ADGRB3: variants seen among roughly 807,000 people sequenced by gnomAD.
The protein encoded by ADGRB3 is adhesion G protein-coupled receptor B3, also known as brain-specific angiogenesis inhibitor 3.
In ADGRB3, 37 loss-of-function variants were observed where a neutral mutation model predicts 193.4. The ratio of observed to expected loss-of-function variants is 0.19; its 90% CI spans 0.15 to 0.25. The LOEUF (loss-of-function observed/expected upper bound fraction) is 0.25, where lower values mean the gene tolerates loss of function less well. Ranked by LOEUF, ADGRB3 falls within the 10% of genes least tolerant of loss-of-function variation. The probability of loss-of-function intolerance (pLI) is 1.00; values close to 1 mark genes in which losing one functional copy is unlikely to be tolerated. For synonymous variants in ADGRB3, 690 were observed against 644.2 expected (o/e 1.07, Z -1.08); for missense variants, 1,637 against 1,852.9 (o/e 0.88, Z 2.14).
At chr6:68,841,761 C>G (rs917137388) in intron 3 of ADGRB3, among the ~76,000 whole-genome samples, 5 of 151,784 alleles carry the variant, frequency 3.3e-5, no homozygotes, top group Admixed American at 6.6e-5. Context: ...TAAAGACTCA[C>G]GAAAGGAAAG....
intron 8 of ADGRB3, among the ~76,000 whole-genome samples, chr6:68,957,551 A>G (rs1562100046): frequency 6.6e-6 from 1 of 152,174 alleles, no homozygotes. Flanking sequence ...CAACGTGCTG[A>G]ACCTAGAGAA....
intron 17 of ADGRB3, among the ~76,000 whole-genome samples, chr6:69,164,637 ACT>A (rs1775085114): frequency 6.6e-6 from 1 of 152,086 alleles, no homozygotes. Flanking sequence ...AGAGATAAGC[ACT>A]CATAAGAGGC....
At chr6:69,037,272 T>G (rs1770900147) in intron 13 of ADGRB3, among the ~76,000 whole-genome samples, 1 of 152,156 alleles carries the variant, frequency 6.6e-6, no homozygotes, top group African/African-American at 2.4e-5. Context: ...TAGTAAACGT[T>G]TGTTGAATTA....
chr6:69,085,681 G>A (rs536593441), intron 17 of ADGRB3, among the ~76,000 whole-genome samples: 12 of 151,318 alleles, frequency 7.9e-5, no homozygotes, highest in Admixed American at 5.9e-4. Context: ...TTGCTCACTT[G>A]TACTATAGTT....
chr6:68,905,878 A>G (rs1040659080), intron 3 of ADGRB3, among the ~76,000 whole-genome samples: 4 of 152,108 alleles, frequency 2.6e-5, no homozygotes, highest in African/African-American at 9.7e-5. Context: ...CTCACAACCT[A>G]CTTTCTCCTC....
chr6:69,331,432 T>C, intron 23 of ADGRB3: 1 of 454,782 alleles, frequency 2.2e-6, no homozygotes, highest in Non-Finnish European at 2.9e-6. Flanking sequence ...ATTATATTTC[T>C]AATTGGAAAG....
intron 17 of ADGRB3, among the ~76,000 whole-genome samples, chr6:69,142,025 G>C (rs1774357263): frequency 6.6e-6 from 1 of 152,140 alleles, no homozygotes; most frequent in Non-Finnish European, 1.5e-5. Flanking sequence ...GATGAGTTTA[G>C]AATCATAAAT....
At chr6:69,313,328 AC>A (rs1054533766) in intron 20 of ADGRB3, among the ~76,000 whole-genome samples, 10 of 151,840 alleles carry the variant, frequency 6.6e-5, no homozygotes, top group Non-Finnish European at 1.2e-4. Context: ...ATCTTTTTAT[AC>A]CAGGATGCCC....
At chr6:68,772,882 C>CA (rs763967322) in intron 3 of ADGRB3, among the ~76,000 whole-genome samples, 297 of 23,556 alleles carry the variant, frequency 0.013, no homozygotes, top group South Asian at 0.019. Context: ...AACAAACAAA[C>CA]AAAAAAAAAA....
chr6:68,777,125 A>G (rs1582192605), intron 3 of ADGRB3, among the ~76,000 whole-genome samples: 1 of 152,142 alleles, frequency 6.6e-6, no homozygotes, highest in East Asian at 1.9e-4. Flanking sequence ...GAAGTTTGAT[A>G]AGCTGCATCT....
At chr6:69,030,287 T>G (rs1365445415) in intron 13 of ADGRB3, among the ~76,000 whole-genome samples, 2 of 152,268 alleles carry the variant, frequency 1.3e-5, no homozygotes, top group Non-Finnish European at 2.9e-5. Flanking sequence ...GGATTATAAA[T>G]CATTTTACTA....
chr6:69,261,479 A>C (rs1428162426), intron 20 of ADGRB3, among the ~76,000 whole-genome samples: 1 of 152,106 alleles, frequency 6.6e-6, no homozygotes, highest in African/African-American at 2.4e-5. Flanking sequence ...TAAATATACT[A>C]ATTTCTGTAT....
intron 20 of ADGRB3, among the ~76,000 whole-genome samples, chr6:69,292,178 A>G (rs1246084787): frequency 6.6e-6 from 1 of 152,230 alleles, no homozygotes; most frequent in Non-Finnish European, 1.5e-5. Context: ...TATATTAAAT[A>G]CATCTGTATG....
chr6:68,937,000 G>A (rs1767503642), intron 5 of ADGRB3, among the ~76,000 whole-genome samples: 1 of 152,042 alleles, frequency 6.6e-6, no homozygotes, highest in African/African-American at 2.4e-5. Flanking sequence ...AATGCTTGAG[G>A]AAAAATGTAA....
At chr6:69,130,955 G>A (rs963050783) in intron 17 of ADGRB3, among the ~76,000 whole-genome samples, 1 of 151,972 alleles carries the variant, frequency 6.6e-6, no homozygotes, top group Admixed American at 6.6e-5. Context: ...AGACATAGGG[G>A]TTTTTGCTAA....
intron 20 of ADGRB3, among the ~76,000 whole-genome samples, chr6:69,270,511 A>G (rs971342010): frequency 6.6e-6 from 1 of 152,182 alleles, no homozygotes; most frequent in African/African-American, 2.4e-5. Flanking sequence ...ATAACACTAT[A>G]TACTATTTTG....
Position 69,027,480 on chromosome 6 carries a change from T to G in ADGRB3, c.2107+8981T>G, listed in dbSNP as rs954193865. Among the ~76,000 whole-genome samples, 107 of 152,294 alleles carry G rather than the reference T, an allele frequency of 7.0e-4. 1 individual carries two copies. The highest frequency in any genetic ancestry group is 2.5e-3 in the African/African-American group (102 of 41,550). On this transcript the variant is annotated intron_variant, in intron 13 of 31. Transcript: ENST00000370598. ...AGTACACCCTAAAATAATGGTAAAATGTACAGTATAGTAAATACTAAGCAA... is the reference window on the plus strand; with the variant it reads ...AGTACACCCTAAAATAATGGTAAAAGGTACAGTATAGTAAATACTAAGCAA...
At chr6:68,732,628 G>A (rs1765794764) in intron 3 of ADGRB3, among the ~76,000 whole-genome samples, 1 of 151,818 alleles carries the variant, frequency 6.6e-6, no homozygotes, top group Non-Finnish European at 1.5e-5. Context: ...CAGCTGAGGT[G>A]GAACAATAGT....
rs188296460 is a variant in ADGRB3 at position 69,179,128 on chromosome 6, A to G, written c.2481-54162A>G. On this transcript the variant is annotated intron_variant, in intron 17 of 31. Transcript: ENST00000370598. ...CTTTACATAATCCAATATTTCTCAAAGAAATTCATTTTTTAAATGTTTTTT... is the reference window on the plus strand; with the variant it reads ...CTTTACATAATCCAATATTTCTCAAGGAAATTCATTTTTTAAATGTTTTTT... 1.5e-3 allele frequency among the ~76,000 whole-genome samples: 236 copies of G among 152,312 alleles called. 3 individuals carry two copies. The highest frequency in any genetic ancestry group is 5.3e-3 in the African/African-American group (219 of 41,590).
Sources: gnomAD v4.1 joint callset for allele counts (sites outside exome capture counted in the v4.1 genomes callset) on GRCh38, gnomAD v4.1.1 for gene constraint, MANE v1.5 for transcripts, NCBI Gene and HGNC (gene_info 2026-07-23, HGNC 2026-07-21) for gene names.